The following B3GLCT variants were observed in gnomAD, a reference collection of about 807,000 sequenced individuals.
B3GLCT encodes the protein beta 3-glucosyltransferase, also known as beta-1,3-glucosyltransferase.
A neutral mutation model predicts 63.4 loss-of-function variants in B3GLCT; 65 were observed. The ratio of observed to expected loss-of-function variants is 1.03; its 90% CI spans 0.84 to 1.26. The LOEUF (loss-of-function observed/expected upper bound fraction) is 1.26, where lower values mean the gene tolerates loss of function less well. Ranked by LOEUF, B3GLCT falls within the 50% of genes most tolerant of loss-of-function variation. B3GLCT has a pLI of 0.00. For missense variants in B3GLCT, 577 were observed against 604.8 expected, an observed-to-expected ratio of 0.95 and a Z score of 0.48; for synonymous variants, 233 against 219.2, an observed-to-expected ratio of 1.06 and a Z score of -0.55.
intron 11 of B3GLCT, 93 bp downstream of exon 11, chr13:31,284,854 G>T: frequency 2.4e-6 from 2 of 839,732 alleles, no homozygotes; most frequent in Non-Finnish European, 4.0e-6. Flanking sequence ...TGTTTTATAA[G>T]TGCTATAATT....
At chr13:31,247,184 G>A (rs1159032808) in intron 5 of B3GLCT, 85 bp downstream of exon 5, 2 of 1,095,810 alleles carry the variant, frequency 1.8e-6, no homozygotes, top group East Asian at 4.8e-5. Context: ...AAGAGGGTGT[G>A]GTTTTCCTCA....
chr13:31,229,214 A>C lies in B3GLCT; in HGVS notation c.190A>C (p.Ser64Arg), dbSNP rs777020391. The stretch of plus-strand genomic sequence containing the variant: ...AAAAGGAATTGTATTCGTCATCCAG[A>C]GTCAAAGTAATTCTTTTCATGCAAA... Reference protein sequence around the residue: ...DLKGIVFVIQSQSNSFHAKRA... With the variant: ...DLKGIVFVIQRQSNSFHAKRA... Residue 64 changes from serine to arginine, a missense_variant, in exon 4 of 15, where the codon AGT (serine) becomes CGT (arginine). Physicochemically the swap from Ser to Arg is moderately radical, Grantham distance 110 (BLOSUM62 -1). Transcript: ENST00000343307. 2 of 1,611,756 alleles carry C rather than the reference A, an allele frequency of 1.2e-6. No homozygotes were observed. Among genetic ancestry groups the C allele is most frequent in the Non-Finnish European group, 1.7e-6 (2 of 1,177,966 alleles).
At chr13:31,324,227 A>G (rs1875491040) in intron 14 of B3GLCT, among the ~76,000 whole-genome samples, 1 of 152,234 alleles carries the variant, frequency 6.6e-6, no homozygotes, top group African/African-American at 2.4e-5. Context: ...GATACTGCCT[A>G]GAAATATATA....
intron 8 of B3GLCT, among the ~76,000 whole-genome samples, chr13:31,270,819 T>C (rs910604023): frequency 1.3e-5 from 2 of 152,178 alleles, no homozygotes; most frequent in Non-Finnish European, 2.9e-5. Flanking sequence ...GATTTTTTGC[T>C]CCTTAGTTCA....
intron 8 of B3GLCT, among the ~76,000 whole-genome samples, chr13:31,270,472 A>T (rs920407717): frequency 1.3e-5 from 2 of 152,262 alleles, no homozygotes; most frequent in African/African-American, 4.8e-5. Flanking sequence ...ATTAATGAAA[A>T]GTCAGCTCTA....
chr13:31,289,180 A>G (rs1292356251), intron 12 of B3GLCT, among the ~76,000 whole-genome samples: 1 of 152,048 alleles, frequency 6.6e-6, no homozygotes, highest in African/African-American at 2.4e-5. Context: ...ATCTTTTGAA[A>G]TAATTCAGCC....
intron 12 of B3GLCT, among the ~76,000 whole-genome samples, chr13:31,310,436 C>T (rs1276715337): frequency 6.6e-6 from 1 of 152,208 alleles, no homozygotes; most frequent in African/African-American, 2.4e-5. Flanking sequence ...CTGGCTGGCT[C>T]ACTGAGCTGA....
intron 14 of B3GLCT, among the ~76,000 whole-genome samples, chr13:31,324,381 A>G (rs1193103485): frequency 6.6e-6 from 1 of 152,142 alleles, no homozygotes; most frequent in Non-Finnish European, 1.5e-5. Context: ...TAAGTTGCAA[A>G]TGGGTATCTC....
At chr13:31,269,051 G>A (rs189101882) in intron 7 of B3GLCT, among the ~76,000 whole-genome samples, 163 bp from the exon 8 acceptor site, 16 of 152,254 alleles carry the variant, frequency 1.1e-4, no homozygotes, top group Non-Finnish European at 8.8e-5. Flanking sequence ...TCAGCCAGCC[G>A]TTGGGTTTTC....
chr13:31,293,835 T>C (rs1174789177), intron 12 of B3GLCT, among the ~76,000 whole-genome samples: 4 of 152,192 alleles, frequency 2.6e-5, no homozygotes, highest in Non-Finnish European at 4.4e-5. Flanking sequence ...ATGTGTGAAT[T>C]TGATTCTGTC....
chr13:31,329,850 CA>C lies in B3GLCT; in HGVS notation c.*183del. On this transcript the variant is annotated 3_prime_UTR_variant, in exon 15 of 15. Transcript: ENST00000343307. ...GGAAGAAAAGGGGTCACAGGAGAAA[CA>C]TTTTTTTTTCTGGGAAAAATCACTT... 1 of 664,516 alleles carries C rather than the reference CA, an allele frequency of 1.5e-6. No individual in the cohort carries two copies. Among genetic ancestry groups the C allele is most frequent in the East Asian group, 2.8e-5 (1 of 36,132 alleles). 41.2% of individuals were successfully genotyped at this position (664,516 alleles called of 1,614,324 possible). A position where few individuals can be genotyped will look rare whatever the true frequency, so the allele number is the denominator to read the frequency against.
intron 12 of B3GLCT, among the ~76,000 whole-genome samples, chr13:31,290,033 A>G (rs576602919): frequency 6.6e-6 from 1 of 151,966 alleles, no homozygotes; most frequent in African/African-American, 2.4e-5. Flanking sequence ...CCACCTTCCA[A>G]CAGGCCCTGG....
intron 7 of B3GLCT, among the ~76,000 whole-genome samples, chr13:31,268,365 G>A (rs1268252472): frequency 1.3e-5 from 2 of 152,136 alleles, no homozygotes; most frequent in African/African-American, 2.4e-5. Flanking sequence ...CAGGTGCGGT[G>A]GGCAGTGCTG....
chr13:31,267,322 A>G (rs1163074218), intron 7 of B3GLCT, among the ~76,000 whole-genome samples: 1 of 152,204 alleles, frequency 6.6e-6, no homozygotes, highest in African/African-American at 2.4e-5. Context: ...CCCGGGTATG[A>G]CTTTTCTGTC....
chr13:31,232,015 G>A (rs1220593959), intron 4 of B3GLCT, among the ~76,000 whole-genome samples: 1 of 152,148 alleles, frequency 6.6e-6, no homozygotes, highest in Non-Finnish European at 1.5e-5. Flanking sequence ...CAGGATTGAG[G>A]CAAGATGGTA....
intron 12 of B3GLCT, among the ~76,000 whole-genome samples, chr13:31,316,407 T>TTTATATATA (rs1239451482): frequency 2.4e-5 from 1 of 40,870 alleles, no homozygotes; most frequent in Admixed American, 3.7e-4. Flanking sequence ...TTTGGAGGTT[T>TTTATATATA]TATATATATA....
At chr13:31,233,871 T>A (rs1421068892) in intron 4 of B3GLCT, among the ~76,000 whole-genome samples, 2 of 152,156 alleles carry the variant, frequency 1.3e-5, no homozygotes, top group East Asian at 3.9e-4. Context: ...TCTATGAACC[T>A]CTCATTCATT....
chr13:31,251,796 A>G (rs1055686522), intron 6 of B3GLCT, among the ~76,000 whole-genome samples: 1 of 152,246 alleles, frequency 6.6e-6, no homozygotes, highest in Non-Finnish European at 1.5e-5. Context: ...AACACTCTTC[A>G]GGATATTATC....
At chr13:31,207,762 T>C (rs1166021528) in intron 1 of B3GLCT, among the ~76,000 whole-genome samples, 1 of 152,228 alleles carries the variant, frequency 6.6e-6, no homozygotes, top group Non-Finnish European at 1.5e-5. Context: ...AGCAGGAATA[T>C]TGTGTCTGCA....
Sources: gnomAD v4.1 joint callset for allele counts (sites outside exome capture counted in the v4.1 genomes callset) on GRCh38, gnomAD v4.1.1 for gene constraint, MANE v1.5 for transcripts, NCBI Gene and HGNC (gene_info 2026-07-23, HGNC 2026-07-21) for gene names.